The following POLE variants were observed in gnomAD, a reference collection of about 807,000 sequenced individuals.
The protein encoded by POLE is DNA polymerase epsilon catalytic subunit A.
POLE carries 188 observed loss-of-function variants against 279.2 expected under a neutral mutation model. That is an observed-to-expected ratio of 0.67 (90% confidence interval 0.60 to 0.76). The LOEUF (loss-of-function observed/expected upper bound fraction) is 0.76. Ranked by LOEUF, POLE falls within the 30% of genes least tolerant of loss-of-function variation. POLE has a pLI of 0.00. For missense variants in POLE, 2,703 were observed against 3,016.7 expected (o/e 0.90, Z 2.44); for synonymous variants, 1,214 against 1,172.5 (o/e 1.04, Z -0.72).
Position 132,642,966 on chromosome 12 carries a change from C to T in POLE, c.4582G>A (p.Ala1528Thr), listed in dbSNP as rs373468985. The T allele has an allele frequency of 2.3e-5, 37 of 1,596,998 alleles. No homozygotes were observed. Among genetic ancestry groups the T allele is most frequent in the East Asian group, 4.5e-5 (2 of 44,828 alleles). ...AGGCCGTGCTCTGCTGAGTACAGGGCGCCAAGGCTGGGCATCTGGTTGCTG... is the reference window on the plus strand; with the variant it reads ...AGGCCGTGCTCTGCTGAGTACAGGGTGCCAAGGCTGGGCATCTGGTTGCTG... The part of the protein sequence containing the change: ...VRSNQMPSLG[A>T]LYSAEHGLLL... The change falls in exon 36 of 49, where the codon GCC becomes ACC. Residue 1528 changes from alanine to threonine, a missense_variant. Ala to Thr is a moderately conservative substitution (Grantham distance 58). Coordinates refer to ENST00000320574, the MANE Select transcript of POLE (RefSeq NM_006231.4).
At chr12:132,679,412 G>A (rs1565979523) in intron 6 of POLE, 85 bp downstream of exon 6, 12 of 1,339,290 alleles carry the variant, frequency 9.0e-6, no homozygotes, top group Middle Eastern at 5.2e-4. Flanking sequence ...AGCCATTAAG[G>A]TAACTTTGTT....
rs1179241831 is a variant in POLE at position 132,661,847 on chromosome 12, C to T, written c.2707-163G>A. ...GGAAGGAAGTTCTGATGCATGCAAC[C>T]AAGTGGTGAAACTCAGGTGTATCTG... On this transcript the variant is annotated intron_variant, in intron 23 of 48. Coordinates refer to ENST00000320574, the MANE Select transcript of POLE (RefSeq NM_006231.4). The surrounding 1 kb of genome is among the most constrained non-coding windows in gnomAD (Gnocchi z 4.1). Among the ~76,000 whole-genome samples the T allele has an allele frequency of 6.6e-6, 1 of 152,162 alleles. No individual in the cohort carries two copies. Among genetic ancestry groups the T allele is most frequent in the African/African-American group, 2.4e-5 (1 of 41,420 alleles).
At position 132,668,606 on chromosome 12, in the gene POLE, G is replaced by A. The variant is rs199941283; in HGVS notation, c.2026+29C>T. 1.1e-4 allele frequency: 169 copies of A among 1,595,506 alleles called. 1 individual carries two copies. In the East Asian group the frequency reaches 2.2e-3, roughly 21 times the overall value. ...GACACTCACCCACCCGTTTCCCACC[G>A]AGTGCCCACCCAGGCGGCCGACACT... On this transcript the variant is annotated intron_variant, in intron 18 of 48. Coordinates refer to ENST00000320574, the MANE Select transcript of POLE (RefSeq NM_006231.4). The surrounding 1 kb of genome is among the most constrained non-coding windows in gnomAD (Gnocchi z 4.0).
At chr12:132,667,739 T>A (rs2042829734) in intron 19 of POLE, 91 bp from the exon 20 acceptor site, 1 of 1,353,146 alleles carries the variant, frequency 7.4e-7, no homozygotes, top group Non-Finnish European at 1.0e-6. Context: ...ACATGGCTTC[T>A]ACGTCACCAC....
intron 15 of POLE, 54 bp downstream of exon 15, chr12:132,672,573 G>T: frequency 1.3e-6 from 2 of 1,556,880 alleles, no homozygotes; most frequent in East Asian, 2.2e-5. Flanking sequence ...CAGCTTCTGG[G>T]TCCTACCACA....
At position 132,672,833 on chromosome 12, in the gene POLE, G is replaced by A. The variant is rs756829894; in HGVS notation, c.1480C>T (p.Arg494Trp). The A allele has an allele frequency of 3.7e-6, 6 of 1,613,482 alleles. No individual in the cohort carries two copies. Among genetic ancestry groups the A allele is most frequent in the African/African-American group, 1.3e-5 (1 of 75,034 alleles). ...TCACACAGAGTGCCAGAGCCCTTCC[G>A]CAGCACCTGCAAGAGAAACCAAGGC... Reference protein sequence around the residue: ...IIPMEPDEVLRKGSGTLCEAL... With the variant: ...IIPMEPDEVLWKGSGTLCEAL... The change falls in exon 15 of 49, where the codon CGG becomes TGG. Residue 494 changes from arginine (R) to tryptophan (W), a missense_variant. Physicochemically the swap from Arg to Trp is moderately radical, Grantham distance 101. Transcript: ENST00000320574.
Position 132,672,644 on chromosome 12 carries a change from G to A in POLE, c.1669C>T (p.Pro557Ser), listed in dbSNP as rs754985761. 6.2e-7 allele frequency: 1 copy of A among 1,613,962 alleles called. No individual in the cohort carries two copies. The highest frequency in any genetic ancestry group is 1.3e-5 in the African/African-American group (1 of 74,934). The change falls in exon 15 of 49, where the codon CCT becomes TCT. Residue 557 changes from proline to serine, a missense_variant. By Grantham distance (74) the Pro-to-Ser change is moderately conservative. Transcript: ENST00000320574. Reference sequence around the variant, plus strand: ...AAGCACACCATCCTAAACCGGCAAGGGATATCGCTGCGGAAAACCCCAGAC... The same window carrying A: ...AAGCACACCATCCTAAACCGGCAAGAGATATCGCTGCGGAAAACCCCAGAC... ...LESGVFRSDI[P>S]CRFRMNPAAF...
chr12:132,624,670 G>A lies in POLE; in HGVS notation c.*27C>T, dbSNP rs376623391. 2.6e-5 allele frequency: 35 copies of A among 1,367,978 alleles called. No individual in the cohort carries two copies. Among genetic ancestry groups the A allele is most frequent in the Admixed American group, 5.0e-5 (3 of 59,728 alleles). The allele number at this position is 1,367,978 out of a possible 1,614,324, so 84.7% of individuals were successfully genotyped here. ...TGGCATCAGGAGGCCTGGCACGGAC[G>A]CAGAGGCACCCGGGGCCCGGGGCTG... is the stretch of plus-strand genomic sequence containing the variant. On this transcript the variant is annotated 3_prime_UTR_variant, in exon 49 of 49. Transcript: ENST00000320574.
At chr12:132,628,857 A>C (rs2041885367) in intron 45 of POLE, among the ~76,000 whole-genome samples, 1 of 152,152 alleles carries the variant, frequency 6.6e-6, no homozygotes, top group African/African-American at 2.4e-5. Flanking sequence ...AATCCCTCAA[A>C]GTCATCCATG....
chr12:132,665,118 A>C lies in POLE; in HGVS notation c.2468+184T>G, dbSNP rs59342460. ...TCACTCATGGACACCCAGACCCTCA[A>C]AGTCAGCGTGGCCCCCACTCTCTTC... On this transcript the variant is annotated intron_variant, in intron 21 of 48. Transcript: ENST00000320574. 3.8e-3 allele frequency among the ~76,000 whole-genome samples: 581 copies of C among 151,988 alleles called. 3 individuals carry two copies. Among genetic ancestry groups the C allele is most frequent in the African/African-American group, 0.013 (551 of 41,426 alleles).
chr12:132,675,432 T>C lies in POLE; in HGVS notation c.1192A>G (p.Lys398Glu). The C allele has an allele frequency of 1.2e-6, 2 of 1,614,154 alleles. No homozygotes were observed. Among genetic ancestry groups the C allele is most frequent in the African/African-American group, 1.3e-5 (1 of 75,060 alleles). ...TCCATGTGGATGCACTGGGGCGCCTTGTACTCCCCCTGGCTGTCCTTCTGG... is the reference window on the plus strand; with the variant it reads ...TCCATGTGGATGCACTGGGGCGCCTCGTACTCCCCCTGGCTGTCCTTCTGG... ...GFQKDSQGEY[K>E]APQCIHMDCL... The change falls in exon 12 of 49, where the codon AAG becomes GAG. Residue 398 changes from lysine to glutamate, a missense_variant. Transcript: ENST00000320574. The surrounding 1 kb of genome is among the most constrained non-coding windows in gnomAD (Gnocchi z 4.3).
At chr12:132,676,342 C>A in intron 9 of POLE, 138 bp from the exon 10 acceptor site, 1 of 735,504 alleles carries the variant, frequency 1.4e-6, no homozygotes, top group Non-Finnish European at 2.3e-6. Flanking sequence ...CTTTAAGCTT[C>A]CTGAGAAGAG....
intron 16 of POLE, 67 bp from the exon 17 acceptor site, chr12:132,669,006 C>T (rs2042864219): frequency 1.3e-6 from 2 of 1,499,604 alleles, no homozygotes; most frequent in Admixed American, 2.0e-5. Context: ...TTCACCAACC[C>T]CTTTTAGACA....
At chr12:132,641,595 C>A (rs2042142117) in intron 39 of POLE, 52 bp downstream of exon 39, 2 of 1,502,546 alleles carry the variant, frequency 1.3e-6, no homozygotes, top group Admixed American at 1.7e-5. Flanking sequence ...AAATTAAGGG[C>A]AAAGGATAAG....
chr12:132,624,938 G>A lies in POLE; in HGVS notation c.6714C>T (p.Cys2238=), dbSNP rs200082120. The A allele has an allele frequency of 2.2e-4, 356 of 1,614,060 alleles. 1 individual carries two copies. Among genetic ancestry groups the A allele is most frequent in the Non-Finnish European group, 1.4e-4 (166 of 1,179,970 alleles). The change falls in exon 48 of 49, where the codon TGC becomes TGT. Residue 2238 remains cysteine (C), a synonymous_variant. Transcript: ENST00000320574. ...GGATGGTGAGGGCGAAGTCTCCCGCGCAGCTGCAGTACACAGGCATGCTGG... is the reference window on the plus strand; with the variant it reads ...GGATGGTGAGGGCGAAGTCTCCCGCACAGCTGCAGTACACAGGCATGCTGG... The part of the protein sequence containing the change: ...KETSMPVYCS[C]AGDFALTIHT...
intron 29 of POLE, among the ~76,000 whole-genome samples, chr12:132,653,725 A>G (rs1422136889): frequency 6.6e-6 from 1 of 152,230 alleles, no homozygotes; most frequent in East Asian, 1.9e-4. Flanking sequence ...GCAGTGGTTA[A>G]CAGGCATCCA....
intron 46 of POLE, 131 bp from the exon 47 acceptor site, chr12:132,625,901 C>CTCA: frequency 1.6e-6 from 2 of 1,283,650 alleles, no homozygotes; most frequent in South Asian, 1.4e-5. Context: ...TGCAGCTGCA[C>CTCA]GCACTCTGGC....
chr12:132,632,757 G>C lies in POLE; in HGVS notation c.6043C>G (p.Leu2015Val), dbSNP rs534874513. The change falls in exon 44 of 49, where the codon CTG becomes GTG. Residue 2015 changes from leucine (L) to valine (V), a missense_variant. This residue lies in a region of POLE where 1,551 missense variants were observed against 1,686.1 expected (regional missense o/e 0.92). Transcript: ENST00000320574. ...VAVYHCMKDG[L>V]RRSAPGSTPV... ...GTGCTCCCTGGAGCACTGCGCCTCAGCCCGTCCTTCATGCAGTGGTACACG... is the reference window on the plus strand; with the variant it reads ...GTGCTCCCTGGAGCACTGCGCCTCACCCCGTCCTTCATGCAGTGGTACACG... The C allele has an allele frequency of 4.3e-6, 7 of 1,612,428 alleles. No individual in the cohort carries two copies. In the South Asian group the frequency reaches 7.7e-5, roughly 18 times the overall value.
intron 29 of POLE, among the ~76,000 whole-genome samples, chr12:132,656,100 A>T (rs894892858): frequency 1.3e-5 from 2 of 151,684 alleles, no homozygotes; most frequent in Admixed American, 1.3e-4. Context: ...GAAAAAAATT[A>T]AAAAAATAAA....
Sources: gnomAD v4.1 joint callset for allele counts (sites outside exome capture counted in the v4.1 genomes callset) on GRCh38, gnomAD v4.1.1 for gene constraint, gnomAD v4.1.1 regional missense constraint, Gnocchi (gnomAD v3.1) non-coding constraint, MANE v1.5 for transcripts, NCBI Gene and HGNC (gene_info 2026-07-23, HGNC 2026-07-21) for gene names.